Variants in JADE1 observed in about 807,000 individuals in gnomAD.
The protein encoded by JADE1 is protein Jade-1.
In JADE1, 14 loss-of-function variants were observed where a neutral mutation model predicts 81.8. The observed-to-expected ratio is 0.17, with a 90% CI of 0.11 to 0.27. The LOEUF is 0.27. Among genes scored for constraint, JADE1 ranks in the 10% least tolerant of loss-of-function variants. The probability of loss-of-function intolerance (pLI) is 1.00; values close to 1 mark genes in which losing one functional copy is unlikely to be tolerated. For synonymous variants in JADE1, 353 were observed against 391.9 expected (o/e 0.90, Z 1.17); for missense variants, 690 against 1,047.9 (o/e 0.66, Z 4.71).
At chr4:128,839,256 A>G (rs551512913) in intron 2 of JADE1, among the ~76,000 whole-genome samples, 3 of 152,304 alleles carry the variant, frequency 2.0e-5, no homozygotes, top group African/African-American at 7.2e-5. Context: ...ATCACCAGCA[A>G]ATACCTGCTC....
At chr4:128,813,559 C>T (rs940224623) in intron 1 of JADE1, among the ~76,000 whole-genome samples, 29 of 152,040 alleles carry the variant, frequency 1.9e-4, no homozygotes, top group African/African-American at 6.5e-4. Context: ...GCTGGGACTA[C>T]AGGCGCGTGC....
At position 128,813,407 on chromosome 4, in the gene JADE1, C is replaced by CTTTTT. The variant is rs72296886; in HGVS notation, c.-27+3546_-27+3550dup. ...TCTTAGTCTCATTTACTTACGGTCA[C>CTTTTT]TTTTTTTTTTTTTTTTTTTTGTTCC... On this transcript the variant is annotated intron_variant, in intron 1 of 10. Coordinates refer to ENST00000226319, the MANE Select transcript of JADE1 (RefSeq NM_199320.4). 4.9e-3 allele frequency among the ~76,000 whole-genome samples: 571 copies of CTTTTT among 115,516 alleles called. 18 individuals are homozygous for CTTTTT. Among genetic ancestry groups the CTTTTT allele is most frequent in the South Asian group, 0.013 (42 of 3,292 alleles). The allele number at this position is 115,516 out of a possible 152,430, so 75.8% of individuals were successfully genotyped here. A position where few individuals can be genotyped will look rare whatever the true frequency, so the allele number is the denominator to read the frequency against.
At chr4:128,863,205 G>T (rs891564582) in intron 9 of JADE1, 3 of 985,528 alleles carry the variant, frequency 3.0e-6, no homozygotes, top group Non-Finnish European at 3.6e-6. Flanking sequence ...ATGAGGCGTG[G>T]GCTGCCTCCC....
At chr4:128,849,626 C>T (rs995877645) in intron 5 of JADE1, among the ~76,000 whole-genome samples, 18 of 152,192 alleles carry the variant, frequency 1.2e-4, no homozygotes, top group Middle Eastern at 3.2e-3. Flanking sequence ...TTAACTTGAG[C>T]GATTTTCCTT....
At chr4:128,837,054 A>C (rs953962553) in intron 2 of JADE1, among the ~76,000 whole-genome samples, 5 of 152,246 alleles carry the variant, frequency 3.3e-5, no homozygotes, top group African/African-American at 1.2e-4. Context: ...CTAAAGTTAT[A>C]GAGCAGGACT....
Position 128,871,932 on chromosome 4 carries a change from T to C in JADE1, c.2199T>C (p.Thr733=), listed in dbSNP as rs1732226083. 2.5e-6 allele frequency: 4 copies of C among 1,613,952 alleles called. No homozygotes were observed. Among genetic ancestry groups the C allele is most frequent in the Non-Finnish European group, 2.5e-6 (3 of 1,179,978 alleles). ...GSLIKVNYNQ[T]AVKVPTTPAS... is the part of the protein sequence containing the mutation. ...TAATCAAAGTAAACTATAATCAGAC[T>C]GCAGTCAAAGTGCCTACAACACCTG... is the stretch of plus-strand genomic sequence containing the variant. The change falls in exon 11 of 11, where the codon ACT becomes ACC. Residue 733 remains threonine, a synonymous_variant. Transcript: ENST00000226319. The surrounding 1 kb of genome is among the most constrained non-coding windows in gnomAD (Gnocchi z 4.1).
intron 5 of JADE1, among the ~76,000 whole-genome samples, chr4:128,850,122 C>T (rs1730221257): frequency 2.0e-5 from 3 of 151,834 alleles, no homozygotes; most frequent in South Asian, 2.1e-4. Context: ...GGTGAAACCC[C>T]GTCTCTACTA....
At chr4:128,850,058 C>T (rs1036980093) in intron 5 of JADE1, among the ~76,000 whole-genome samples, 1 of 152,016 alleles carries the variant, frequency 6.6e-6, no homozygotes, top group Non-Finnish European at 1.5e-5. Context: ...CTTTGGGAAG[C>T]CAAGGTGGGC....
intron 1 of JADE1, among the ~76,000 whole-genome samples, chr4:128,822,647 A>C (rs1019426629): frequency 1.5e-4 from 22 of 151,478 alleles, no homozygotes; most frequent in African/African-American, 5.1e-4. Context: ...TGAACCTGGG[A>C]GGCGGAGGTT....
intron 10 of JADE1, among the ~76,000 whole-genome samples, chr4:128,870,938 C>G (rs542138474): frequency 6.6e-6 from 1 of 152,316 alleles, no homozygotes; most frequent in East Asian, 1.9e-4. Flanking sequence ...TGGGTCCTCT[C>G]AGTCTCGTAC....
chr4:128,872,495 C>G lies in JADE1; in HGVS notation c.*233C>G, dbSNP rs1329116928. On this transcript the variant is annotated 3_prime_UTR_variant, in exon 11 of 11. Coordinates refer to ENST00000226319, the MANE Select transcript of JADE1 (RefSeq NM_199320.4). ...AGTAGATTGTAACCATAAGACACTG[C>G]TAAGACTAGAACCCGAACTGAACAC... The G allele has an allele frequency of 8.0e-6, 4 of 502,290 alleles. No individual in the cohort carries two copies. Among genetic ancestry groups the G allele is most frequent in the Non-Finnish European group, 1.4e-5 (4 of 286,924 alleles). The allele number at this position is 502,290 out of a possible 1,614,324, so 31.1% of individuals were successfully genotyped here. A position where few individuals can be genotyped will look rare whatever the true frequency, so the allele number is the denominator to read the frequency against.
Position 128,871,946 on chromosome 4 carries a change from C to T in JADE1, c.2213C>T (p.Pro738Leu). The change falls in exon 11 of 11, where the codon CCT becomes CTT. Residue 738 changes from proline to leucine, a missense_variant. Pro to Leu is a moderately conservative substitution (Grantham distance 98). Around this residue, in one of 8 missense-constraint regions of JADE1, gnomAD observed 218 missense variants for 274.3 expected, o/e 0.79. Coordinates refer to ENST00000226319, the MANE Select transcript of JADE1 (RefSeq NM_199320.4). This position sits in a 1 kb window ranked among gnomAD's most constrained non-coding sequence, Gnocchi z 4.1. Reference protein sequence around the residue: ...VNYNQTAVKVPTTPASPVKNW... With the variant: ...VNYNQTAVKVLTTPASPVKNW... ...TATAATCAGACTGCAGTCAAAGTGC[C>T]TACAACACCTGCCAGCCCAGTGAAA... 1 of 1,613,946 alleles carries T rather than the reference C, an allele frequency of 6.2e-7. No individual in the cohort carries two copies. Among genetic ancestry groups the T allele is most frequent in the Non-Finnish European group, 8.5e-7 (1 of 1,179,962 alleles).
chr4:128,811,475 G>A (rs1200786937), intron 1 of JADE1: 1 of 152,198 alleles, frequency 6.6e-6, no homozygotes, highest in Admixed American at 6.5e-5. Context: ...GCGGCACGTG[G>A]GCAGGTGCTG....
At chr4:128,864,583 T>C (rs1343604813) in intron 9 of JADE1, 2 of 985,282 alleles carry the variant, frequency 2.0e-6, no homozygotes, top group East Asian at 2.3e-4. Flanking sequence ...TTATAAACAG[T>C]AAGTGTATCA....
intron 2 of JADE1, among the ~76,000 whole-genome samples, chr4:128,834,242 G>T (rs1728788516): frequency 6.6e-6 from 1 of 152,192 alleles, no homozygotes; most frequent in Non-Finnish European, 1.5e-5. Context: ...GAAGTCCAAG[G>T]TACTGGCAGG....
intron 2 of JADE1, among the ~76,000 whole-genome samples, chr4:128,840,096 T>C (rs1729306891): frequency 6.6e-6 from 1 of 152,206 alleles, no homozygotes; most frequent in Non-Finnish European, 1.5e-5. Context: ...ATATCTGTTT[T>C]TAAAAGCAAA....
intron 8 of JADE1, among the ~76,000 whole-genome samples, chr4:128,859,055 T>C (rs183023964): frequency 1.8e-3 from 271 of 152,210 alleles, no homozygotes; most frequent in African/African-American, 6.2e-3. Flanking sequence ...CTTGAAATAG[T>C]GGAGATATTT....
In JADE1 at chr4:128,862,058, G is replaced by C. The variant is rs1731385268; in HGVS notation, c.1336G>C (p.Val446Leu). The C allele has an allele frequency of 6.2e-7, 1 of 1,614,038 alleles. No individual in the cohort carries two copies. Among genetic ancestry groups the C allele is most frequent in the African/African-American group, 1.3e-5 (1 of 74,906 alleles). ...VARALRLPEE[V>L]VDFLYQYWKL... is the part of the protein sequence containing the mutation. Reference sequence around the variant, plus strand: ...CAGGGCTCTGCGGCTGCCTGAGGAAGTAGTGGATTTCCTGTACCAGTACTG... The same window carrying C: ...CAGGGCTCTGCGGCTGCCTGAGGAACTAGTGGATTTCCTGTACCAGTACTG... Residue 446 changes from valine to leucine, a missense_variant, in exon 9 of 11, where the codon GTA (valine) becomes CTA (leucine). Physicochemically the swap from Val to Leu is conservative, Grantham distance 32. This residue lies in a region of JADE1 where 63 missense variants were observed against 138.4 expected (regional missense o/e 0.46). Coordinates refer to ENST00000226319, the MANE Select transcript of JADE1 (RefSeq NM_199320.4).
intron 6 of JADE1, among the ~76,000 whole-genome samples, chr4:128,853,471 T>C (rs1016309118): frequency 5.3e-5 from 8 of 152,190 alleles, no homozygotes; most frequent in Non-Finnish European, 1.2e-4. Context: ...TGGTGATTGC[T>C]TGCTACCATC....
Sources: gnomAD v4.1 joint callset for allele counts (sites outside exome capture counted in the v4.1 genomes callset) on GRCh38, gnomAD v4.1.1 for gene constraint, gnomAD v4.1.1 regional missense constraint, Gnocchi (gnomAD v3.1) non-coding constraint, MANE v1.5 for transcripts, NCBI Gene and HGNC (gene_info 2026-07-23, HGNC 2026-07-21) for gene names.